Variants in NELL1 observed in about 807,000 individuals in gnomAD.
NELL1 encodes the protein protein kinase C-binding protein NELL1.
In NELL1, 76 loss-of-function variants were observed where a neutral mutation model predicts 107.4. The ratio of observed to expected loss-of-function variants is 0.71; its 90% CI spans 0.59 to 0.86. The LOEUF (loss-of-function observed/expected upper bound fraction) is 0.86. Ranked by LOEUF, NELL1 falls within the 40% of genes least tolerant of loss-of-function variation. The pLI is 0.00. For synonymous variants in NELL1, 353 were observed against 341.2 expected, an observed-to-expected ratio of 1.03 and a Z score of -0.38; for missense variants, 1,024 against 1,005.5, an observed-to-expected ratio of 1.02 and a Z score of -0.25.
At chr11:21,424,816 G>T (rs941584244) in intron 15 of NELL1, among the ~76,000 whole-genome samples, 6 of 152,014 alleles carry the variant, frequency 3.9e-5, no homozygotes, top group Non-Finnish European at 8.8e-5. Context: ...TCCCAACAAA[G>T]TAAAGCACTG....
chr11:21,097,928 T>C (rs1210693251), intron 12 of NELL1, among the ~76,000 whole-genome samples: 1 of 152,110 alleles, frequency 6.6e-6, no homozygotes, highest in Non-Finnish European at 1.5e-5. Context: ...TCATTTGTGT[T>C]TTTTAAGAAA....
chr11:21,574,433 G>A (rs1857174608), intron 19 of NELL1, among the ~76,000 whole-genome samples: 1 of 151,432 alleles, frequency 6.6e-6, no homozygotes, highest in Non-Finnish European at 1.5e-5. Flanking sequence ...GAATTATAAA[G>A]GTATATTTAC....
At chr11:20,817,264 G>T (rs910084857) in intron 3 of NELL1, among the ~76,000 whole-genome samples, 2 of 152,024 alleles carry the variant, frequency 1.3e-5, no homozygotes, top group Non-Finnish European at 2.9e-5. Context: ...AAGTCTGTCT[G>T]GTCTAGGGCT....
intron 5 of NELL1, among the ~76,000 whole-genome samples, chr11:20,892,824 G>T (rs1849644898): frequency 6.6e-6 from 1 of 151,952 alleles, no homozygotes; most frequent in African/African-American, 2.4e-5. Context: ...AGCTACTTGG[G>T]AGGCTGAGAC....
intron 9 of NELL1, among the ~76,000 whole-genome samples, chr11:20,934,595 G>A (rs1850684720): frequency 6.6e-6 from 1 of 152,220 alleles, no homozygotes; most frequent in Non-Finnish European, 1.5e-5. Flanking sequence ...CATTGTGGGA[G>A]TGGCAAGGGG....
intron 4 of NELL1, among the ~76,000 whole-genome samples, chr11:20,866,473 G>A (rs995334016): frequency 4.6e-5 from 7 of 152,182 alleles, no homozygotes; most frequent in African/African-American, 1.4e-4. Flanking sequence ...AAGTTATGTG[G>A]TCCAAAAGGA....
intron 13 of NELL1, among the ~76,000 whole-genome samples, chr11:21,179,803 G>A (rs1856789355): frequency 7.7e-6 from 1 of 129,622 alleles, no homozygotes; most frequent in South Asian, 2.6e-4. Flanking sequence ...CCTGATTTAT[G>A]TTTTTAACCA....
intron 12 of NELL1, among the ~76,000 whole-genome samples, chr11:21,071,876 T>G (rs572691200): frequency 2.0e-5 from 3 of 152,322 alleles, no homozygotes; most frequent in Non-Finnish European, 4.4e-5. Context: ...AGAGTATCTT[T>G]GAGTGAATGT....
chr11:21,366,242 G>T (rs1205634707), intron 14 of NELL1, among the ~76,000 whole-genome samples: 1 of 152,128 alleles, frequency 6.6e-6, no homozygotes, highest in Admixed American at 6.6e-5. Flanking sequence ...CGACTTATCC[G>T]CTGAGTTCCA....
intron 15 of NELL1, among the ~76,000 whole-genome samples, chr11:21,532,217 G>C (rs1856008103): frequency 6.6e-6 from 1 of 152,090 alleles, no homozygotes; most frequent in Non-Finnish European, 1.5e-5. Flanking sequence ...AGTGTCCCTG[G>C]GGAAGTTGTA....
At chr11:20,999,651 A>G (rs1435386883) in intron 12 of NELL1, among the ~76,000 whole-genome samples, 1 of 151,622 alleles carries the variant, frequency 6.6e-6, no homozygotes, top group Non-Finnish European at 1.5e-5. Flanking sequence ...TTAGTAGCCT[A>G]TCCCCTCATA....
intron 14 of NELL1, among the ~76,000 whole-genome samples, chr11:21,238,744 C>CCATATTTTTCTT (rs1858273682): frequency 6.6e-6 from 1 of 152,012 alleles, no homozygotes; most frequent in Non-Finnish European, 1.5e-5. Context: ...ACTGAAGAGG[C>CCATATTTTTCTT]TGTTGTAAGA....
At chr11:20,904,899 G>A (rs771205989) in intron 5 of NELL1, among the ~76,000 whole-genome samples, 1 of 151,734 alleles carries the variant, frequency 6.6e-6, no homozygotes, top group Non-Finnish European at 1.5e-5. Flanking sequence ...TATGATCATG[G>A]CTCACTGCAG....
chr11:20,874,339 A>T (rs1590369478), intron 4 of NELL1, among the ~76,000 whole-genome samples: 2 of 152,340 alleles, frequency 1.3e-5, no homozygotes, highest in South Asian at 4.1e-4. Flanking sequence ...AAGTGGTGGG[A>T]TTACAGGTAT....
At chr11:21,407,746 C>T (rs1485679176) in intron 15 of NELL1, among the ~76,000 whole-genome samples, 1 of 150,760 alleles carries the variant, frequency 6.6e-6, no homozygotes, top group Non-Finnish European at 1.5e-5. Flanking sequence ...TTCCCTTGCC[C>T]TCTGATGAAA....
chr11:20,800,206 T>C (rs1222108939), intron 3 of NELL1, among the ~76,000 whole-genome samples: 1 of 152,220 alleles, frequency 6.6e-6, no homozygotes, highest in Non-Finnish European at 1.5e-5. Context: ...TGAATTCTTT[T>C]CCTTTGAATG....
intron 13 of NELL1, among the ~76,000 whole-genome samples, chr11:21,136,280 C>T (rs1246386060): frequency 6.6e-6 from 1 of 151,980 alleles, no homozygotes; most frequent in Non-Finnish European, 1.5e-5. Flanking sequence ...GGCAGCCATG[C>T]CTGTTGTGAG....
chr11:21,405,345 C>A (rs921611845), intron 15 of NELL1, among the ~76,000 whole-genome samples: 1 of 151,832 alleles, frequency 6.6e-6, no homozygotes, highest in Non-Finnish European at 1.5e-5. Flanking sequence ...GGCTTTGGTT[C>A]ATCTGTTTTG....
At chr11:21,291,294 G>A (rs1231852024) in intron 14 of NELL1, among the ~76,000 whole-genome samples, 1 of 152,170 alleles carries the variant, frequency 6.6e-6, no homozygotes, top group East Asian at 1.9e-4. Flanking sequence ...TGAAACCAAT[G>A]AGAGCAAAGA....
Sources: gnomAD v4.1 joint callset for allele counts (sites outside exome capture counted in the v4.1 genomes callset) on GRCh38, gnomAD v4.1.1 for gene constraint, MANE v1.5 for transcripts, NCBI Gene and HGNC (gene_info 2026-07-23, HGNC 2026-07-21) for gene names.